ACACA: variants seen among roughly 807,000 people sequenced by gnomAD.
ACACA encodes acetyl-CoA carboxylase alpha, also known as acetyl-CoA carboxylase 1.
A neutral mutation model predicts 296.1 loss-of-function variants in ACACA; 103 were observed. The observed-to-expected ratio is 0.35, with a 90% CI of 0.30 to 0.41. The LOEUF (loss-of-function observed/expected upper bound fraction) is 0.41, where lower values mean the gene tolerates loss of function less well. Among genes scored for constraint, ACACA ranks in the 10% least tolerant of loss-of-function variants. The pLI is 1.00. For synonymous variants in ACACA, 953 were observed against 1,038.6 expected (o/e 0.92, Z 1.58); for missense variants, 1,554 against 2,989.7 (o/e 0.52, Z 11.20).
At chr17:37,156,330 TG>T (rs2076251549) in intron 42 of ACACA, among the ~76,000 whole-genome samples, 2 of 152,210 alleles carry the variant, frequency 1.3e-5, no homozygotes, top group African/African-American at 4.8e-5. Flanking sequence ...CCCAAAGTGC[TG>T]GGATTAAAGG....
chr17:37,340,619 G>A (rs935281068), intron 1 of ACACA, among the ~76,000 whole-genome samples: 1 of 152,144 alleles, frequency 6.6e-6, no homozygotes, highest in African/African-American at 2.4e-5. Context: ...ACACTGGTAG[G>A]GAAATCTAAA....
chr17:37,172,272 CAA>C, intron 41 of ACACA, among the ~76,000 whole-genome samples: 1 of 152,230 alleles, frequency 6.6e-6, no homozygotes, highest in East Asian at 1.9e-4. Flanking sequence ...TTAGGATTTT[CAA>C]AGTCAATCAA....
intron 17 of ACACA, 148 bp downstream of exon 17, chr17:37,248,445 C>T (rs1045653730): frequency 1.5e-5 from 11 of 742,676 alleles, no homozygotes; most frequent in Admixed American, 8.6e-5. Flanking sequence ...GAACAACAAA[C>T]GCTGCTTCAG....
At chr17:37,170,391 C>A (rs1567756317) in intron 41 of ACACA, among the ~76,000 whole-genome samples, 2 of 151,926 alleles carry the variant, frequency 1.3e-5, no homozygotes, top group Non-Finnish European at 2.9e-5. Flanking sequence ...ATGATTTGTG[C>A]CACAGTATTT....
At chr17:37,177,737 A>G (rs2077174159) in intron 41 of ACACA, among the ~76,000 whole-genome samples, 1 of 152,226 alleles carries the variant, frequency 6.6e-6, no homozygotes, top group African/African-American at 2.4e-5. Context: ...CAGTGGCAGA[A>G]ACCTCTGTTT....
At chr17:37,387,592 A>G (rs2050600358) in intron 1 of ACACA, 1 of 151,654 alleles carries the variant, frequency 6.6e-6, no homozygotes, top group Admixed American at 6.6e-5. Flanking sequence ...GACAACAGGC[A>G]TGCACCACCA....
At chr17:37,290,554 T>A (rs1468840680) in intron 3 of ACACA, among the ~76,000 whole-genome samples, 3 of 152,154 alleles carry the variant, frequency 2.0e-5, no homozygotes, top group African/African-American at 4.8e-5. Context: ...TTGCCCATGA[T>A]CATTCACACA....
chr17:37,340,974 T>C (rs1305888965), intron 1 of ACACA, among the ~76,000 whole-genome samples: 1 of 152,180 alleles, frequency 6.6e-6, no homozygotes, highest in African/African-American at 2.4e-5. Flanking sequence ...GGCAGAGGTG[T>C]GCTAGAGTCC....
intron 41 of ACACA, among the ~76,000 whole-genome samples, chr17:37,171,824 C>G (rs2076893844): frequency 6.6e-6 from 1 of 152,124 alleles, no homozygotes; most frequent in Non-Finnish European, 1.5e-5. Context: ...CACATGTACA[C>G]ACAGTAATTT....
intron 26 of ACACA, 56 bp downstream of exon 26, chr17:37,226,283 A>C: frequency 7.7e-7 from 1 of 1,300,020 alleles, no homozygotes; most frequent in Non-Finnish European, 1.1e-6. Flanking sequence ...TGTGTCTAGG[A>C]CTGCCTGATC....
At chr17:37,098,527 T>C (rs1489566844) in intron 52 of ACACA, among the ~76,000 whole-genome samples, 3 of 152,230 alleles carry the variant, frequency 2.0e-5, no homozygotes, top group Admixed American at 1.3e-4. Flanking sequence ...TTACAAGCCA[T>C]AGTACTTCAT....
intron 25 of ACACA, among the ~76,000 whole-genome samples, chr17:37,232,759 T>C (rs900472714): frequency 6.6e-6 from 1 of 152,136 alleles, no homozygotes; most frequent in Non-Finnish European, 1.5e-5. Flanking sequence ...TTACGTTTAC[T>C]GGGTCTCATT....
At position 37,263,679 on chromosome 17, in the gene ACACA, AT is replaced by A; in HGVS notation, c.1329+5del. The A allele has an allele frequency of 6.2e-7, 1 of 1,610,736 alleles. No homozygotes were observed. The highest frequency in any genetic ancestry group is 8.5e-7 in the Non-Finnish European group (1 of 1,176,966). On this transcript the variant is annotated splice_donor_5th_base_variant and intron_variant, in intron 11 of 55. Coordinates refer to ENST00000616317, the MANE Select transcript of ACACA (RefSeq NM_198834.3). ...AAACATAAAGTAAGCCTTTTAATAT[AT>A]GTACCTGTTCCATGTGTTCAAATAC...
intron 2 of ACACA, among the ~76,000 whole-genome samples, chr17:37,335,822 C>A (rs905153657): frequency 9.2e-5 from 14 of 152,202 alleles, no homozygotes; most frequent in Non-Finnish European, 1.5e-5. Flanking sequence ...AATCGAAGAG[C>A]TTTAGACTTG....
At chr17:37,216,204 G>A (rs1156622822) in intron 29 of ACACA, among the ~76,000 whole-genome samples, 1 of 146,436 alleles carries the variant, frequency 6.8e-6, no homozygotes, top group Non-Finnish European at 1.5e-5. Context: ...GTGTGTGTGT[G>A]TGTGTATATA....
At chr17:37,110,851 G>A (rs1476761495) in intron 52 of ACACA, among the ~76,000 whole-genome samples, 1 of 152,098 alleles carries the variant, frequency 6.6e-6, no homozygotes, top group South Asian at 2.1e-4. Context: ...CTCAATGGGA[G>A]ACCTGGGCAG....
chr17:37,234,753 T>A (rs2080027542), intron 25 of ACACA, among the ~76,000 whole-genome samples: 1 of 152,154 alleles, frequency 6.6e-6, no homozygotes, highest in Admixed American at 6.6e-5. Flanking sequence ...TGAATGAGTA[T>A]ATGCATAATG....
chr17:37,369,543 C>A (rs2049725404), intron 1 of ACACA: 1 of 151,898 alleles, frequency 6.6e-6, no homozygotes, highest in African/African-American at 2.4e-5. Context: ...GTGCATGCCC[C>A]TGTAGTCTCA....
intron 3 of ACACA, among the ~76,000 whole-genome samples, chr17:37,324,444 C>T (rs911223554): frequency 6.5e-4 from 98 of 150,884 alleles, no homozygotes; most frequent in African/African-American, 2.2e-3. Context: ...CTGAGGCGGG[C>T]GGATCACGTG....
Sources: gnomAD v4.1 joint callset for allele counts (sites outside exome capture counted in the v4.1 genomes callset) on GRCh38, gnomAD v4.1.1 for gene constraint, MANE v1.5 for transcripts, NCBI Gene and HGNC (gene_info 2026-07-23, HGNC 2026-07-21) for gene names.